Variants in SPATA18 observed in about 807,000 individuals in gnomAD.
SPATA18 encodes mitochondria-eating protein.
In SPATA18, 54 loss-of-function variants were observed where a neutral mutation model predicts 68.1. The observed-to-expected ratio is 0.79, with a 90% CI of 0.64 to 0.99. The LOEUF (loss-of-function observed/expected upper bound fraction) is 0.99, where lower values mean the gene tolerates loss of function less well. Ranked by LOEUF, SPATA18 falls within the 50% of genes least tolerant of loss-of-function variation. The pLI is 0.00. For synonymous variants in SPATA18, 242 were observed against 244.8 expected (o/e 0.99, Z 0.11); for missense variants, 724 against 681.1 (o/e 1.06, Z -0.70).
intron 6 of SPATA18, among the ~76,000 whole-genome samples, chr4:52,073,597 A>T (rs918242230): frequency 6.6e-6 from 1 of 152,088 alleles, no homozygotes; most frequent in African/African-American, 2.4e-5. Flanking sequence ...CATGGCAAGA[A>T]CTCATCTCTA....
In SPATA18 at chr4:52,051,503, T is replaced by G. The variant is rs1737864779; in HGVS notation, c.-202T>G. 3.6e-6 allele frequency: 2 copies of G among 560,804 alleles called. No individual in the cohort carries two copies. Among genetic ancestry groups the G allele is most frequent in the Admixed American group, 6.0e-5 (2 of 33,084 alleles). 34.7% of individuals were successfully genotyped at this position (560,804 alleles called of 1,614,324 possible). On this transcript the variant is annotated 5_prime_UTR_variant, in exon 1 of 13. Transcript: ENST00000295213. ...GGGACGGCGGATGAGGCGCGGCGGC[T>G]GCGGCCCAGGGCACCTCCCCTCTGG...
In SPATA18 at chr4:52,060,401, A is replaced by G. The variant is rs866930605; in HGVS notation, c.88-18A>G. On this transcript the variant is annotated intron_variant, in intron 1 of 12. Coordinates refer to ENST00000295213, the MANE Select transcript of SPATA18 (RefSeq NM_145263.4). ...AGTGAAGTAATTACCCTGGTTATCT[A>G]CTGTTTTGCCCTTGCAGACAAACAC... 6.2e-6 allele frequency: 10 copies of G among 1,607,518 alleles called. 1 individual carries two copies. In the Middle Eastern group the frequency reaches 9.9e-4, roughly 160 times the overall value.
intron 2 of SPATA18, 72 bp downstream of exon 2, chr4:52,060,596 CT>C: frequency 6.9e-7 from 1 of 1,451,794 alleles, no homozygotes; most frequent in Non-Finnish European, 9.6e-7. Flanking sequence ...TTTTTGTGTT[CT>C]TTGACTGTTG....
At chr4:52,094,785 A>G (rs1742291245) in intron 12 of SPATA18, 95 bp from the exon 13 acceptor site, 2 of 1,546,918 alleles carry the variant, frequency 1.3e-6, no homozygotes, top group East Asian at 2.3e-5. Flanking sequence ...CTTCATTGCC[A>G]TAAACCTAGA....
intron 8 of SPATA18, 97 bp from the exon 9 acceptor site, chr4:52,079,647 C>T (rs1327458535): frequency 6.4e-6 from 9 of 1,395,428 alleles, no homozygotes; most frequent in Non-Finnish European, 8.8e-6. Flanking sequence ...GGCTCACATT[C>T]TCTTTTCCCA....
intron 4 of SPATA18, among the ~76,000 whole-genome samples, chr4:52,066,512 A>G (rs569744299): frequency 1.3e-5 from 2 of 152,314 alleles, no homozygotes; most frequent in South Asian, 4.1e-4. Flanking sequence ...ATTATATTTT[A>G]TTTTAAGTTC....
chr4:52,096,299 T>C lies in SPATA18; in HGVS notation c.*1412T>C, dbSNP rs61796830. Reference sequence around the variant, plus strand: ...TGCCTAGGTAACTGCTAGTCATGACTTGGTCATCAGCTTGCTTTGTGGCAC... The same window carrying C: ...TGCCTAGGTAACTGCTAGTCATGACCTGGTCATCAGCTTGCTTTGTGGCAC... On this transcript the variant is annotated 3_prime_UTR_variant, in exon 13 of 13. Coordinates refer to ENST00000295213, the MANE Select transcript of SPATA18 (RefSeq NM_145263.4). 0.18 allele frequency: 26,693 copies of C among 152,080 alleles called. 2,647 individuals carry two copies. The highest frequency in any genetic ancestry group is 0.41 in the East Asian group (2,086 of 5,136). The allele number at this position is 152,080 out of a possible 1,614,324, so 9.4% of individuals were successfully genotyped here.
chr4:52,068,943 A>C (rs1021115117), intron 4 of SPATA18, among the ~76,000 whole-genome samples: 3 of 152,150 alleles, frequency 2.0e-5, no homozygotes, highest in Admixed American at 6.5e-5. Context: ...AACTCACTGC[A>C]GCTTCAAACT....
At chr4:52,063,554 C>T (rs538176535) in intron 4 of SPATA18, among the ~76,000 whole-genome samples, 1 of 152,254 alleles carries the variant, frequency 6.6e-6, no homozygotes, top group Admixed American at 6.5e-5. Context: ...TTGAAGGATT[C>T]TTCAATAAGC....
At chr4:52,087,101 T>C (rs1470403853) in intron 11 of SPATA18, among the ~76,000 whole-genome samples, 5 of 152,208 alleles carry the variant, frequency 3.3e-5, no homozygotes, top group Non-Finnish European at 7.3e-5. Flanking sequence ...TTTGCCCACT[T>C]TTTGATGGGG....
Position 52,096,702 on chromosome 4 carries a change from G to A in SPATA18, c.*1815G>A, listed in dbSNP as rs1260640002. ...GTGTGTATTGGCAACAGAAAATCAC[G>A]GTGTTGTCATTGGATGTGACTTTCT... On this transcript the variant is annotated 3_prime_UTR_variant, in exon 13 of 13. Coordinates refer to ENST00000295213, the MANE Select transcript of SPATA18 (RefSeq NM_145263.4). 3 of 151,906 alleles carry A rather than the reference G, an allele frequency of 2.0e-5. No homozygotes were observed. Among genetic ancestry groups the A allele is most frequent in the South Asian group, 2.1e-4 (1 of 4,822 alleles). The allele number at this position is 151,906 out of a possible 1,614,324, so 9.4% of individuals were successfully genotyped here.
intron 1 of SPATA18, among the ~76,000 whole-genome samples, chr4:52,053,150 GTTGT>G (rs1054738667): frequency 6.6e-6 from 1 of 151,852 alleles, no homozygotes; most frequent in Non-Finnish European, 1.5e-5. Context: ...AAAAAAACAT[GTTGT>G]TTGTCACAAT....
chr4:52,079,328 G>C (rs369689812), intron 8 of SPATA18, among the ~76,000 whole-genome samples: 11 of 152,218 alleles, frequency 7.2e-5, no homozygotes, highest in African/African-American at 2.6e-4. Context: ...AAAGAAAGTA[G>C]GCAATTTGCT....
rs1395663554 is a variant in SPATA18 at position 52,076,956 on chromosome 4, G to A, written c.936G>A (p.Gln312=). 4 of 1,614,174 alleles carry A rather than the reference G, an allele frequency of 2.5e-6. No homozygotes were observed. The highest frequency in any genetic ancestry group is 3.4e-6 in the Non-Finnish European group (4 of 1,180,040). ...LLSRFSDSYS[Q]ARLDAQCLLR... ...CCCGGTTCAGCGATTCCTATTCCCA[G>A]GCCCGCCTGGACGCGCAGTGCCTGC... Residue 312 remains glutamine, a synonymous_variant, in exon 7 of 13, where the codon CAG becomes CAA. Coordinates refer to ENST00000295213, the MANE Select transcript of SPATA18 (RefSeq NM_145263.4).
At chr4:52,079,710 T>C in intron 8 of SPATA18, 34 bp from the exon 9 acceptor site, 1 of 1,607,814 alleles carries the variant, frequency 6.2e-7, no homozygotes, top group Non-Finnish European at 8.5e-7. Context: ...TGTCACAGGC[T>C]GGTAACAAAG....
At chr4:52,087,844 T>C (rs1741572456) in intron 11 of SPATA18, among the ~76,000 whole-genome samples, 1 of 152,214 alleles carries the variant, frequency 6.6e-6, no homozygotes, top group East Asian at 1.9e-4. Context: ...GCATTGAATC[T>C]ATAAATTACT....
chr4:52,061,161 A>C (rs1434475655), intron 3 of SPATA18, among the ~76,000 whole-genome samples: 1 of 152,198 alleles, frequency 6.6e-6, no homozygotes, highest in Non-Finnish European at 1.5e-5. Flanking sequence ...TGAAACATTT[A>C]TATGGATTTA....
intron 1 of SPATA18, among the ~76,000 whole-genome samples, chr4:52,052,537 C>A (rs12507167): frequency 6.6e-6 from 1 of 151,910 alleles, no homozygotes; most frequent in African/African-American, 2.4e-5. Flanking sequence ...TCGGTCGGTC[C>A]GTCTTAAATA....
chr4:52,095,040 G>T lies in SPATA18; in HGVS notation c.*153G>T, dbSNP rs1057084069. The T allele has an allele frequency of 1.5e-5, 13 of 857,312 alleles. No homozygotes were observed. In the East Asian group the frequency reaches 2.8e-4, roughly 18 times the overall value. The allele number at this position is 857,312 out of a possible 1,614,324, so 53.1% of individuals were successfully genotyped here. A position where few individuals can be genotyped will look rare whatever the true frequency, so the allele number is the denominator to read the frequency against. ...CCCACACAGAGAGTTAAATGTTTTG[G>T]CTTGGCGCATTTGTAACTTTAGATA... On this transcript the variant is annotated 3_prime_UTR_variant, in exon 13 of 13. Transcript: ENST00000295213.
Sources: gnomAD v4.1 joint callset for allele counts (sites outside exome capture counted in the v4.1 genomes callset) on GRCh38, gnomAD v4.1.1 for gene constraint, MANE v1.5 for transcripts, NCBI Gene and HGNC (gene_info 2026-07-23, HGNC 2026-07-21) for gene names.